Variants in CXCR6 observed in about 807,000 individuals in gnomAD.
CXCR6 encodes C-X-C motif chemokine receptor 6, also known as C-X-C chemokine receptor type 6.
CXCR6 carries 3 observed loss-of-function variants against 1.6 expected under a neutral mutation model. The observed-to-expected ratio is 1.83, with a 90% CI of 0.83 to 4.72. The LOEUF is 4.72. Among genes scored for constraint, CXCR6 ranks in the 30% most tolerant of loss-of-function variants. CXCR6 has a pLI of 0.02. For synonymous variants in CXCR6, 171 were observed against 159.2 expected, an observed-to-expected ratio of 1.07 and a Z score of -0.56; for missense variants, 326 against 414.8, an observed-to-expected ratio of 0.79 and a Z score of 1.86.
chr3:45,946,439 A>T (rs1704610202), intron 1 of CXCR6, 22 bp from the exon 2 acceptor site: 1 of 1,544,274 alleles, frequency 6.5e-7, no homozygotes, highest in African/African-American at 1.4e-5. Context: ...CCCAAATATA[A>T]TTCCTGGGTT....
chr3:45,946,897 A>G lies in CXCR6; in HGVS notation c.416A>G (p.Asn139Ser). ...IVVVKATKAY[N>S]QQAKRMTWGK... ...GTGGTTAAGGCCACCAAGGCCTACAACCAGCAAGCCAAGAGGATGACCTGG... is the reference window on the plus strand; with the variant it reads ...GTGGTTAAGGCCACCAAGGCCTACAGCCAGCAAGCCAAGAGGATGACCTGG... Residue 139 changes from asparagine to serine, a missense_variant, in exon 2 of 2, where the codon AAC becomes AGC. Transcript: ENST00000304552. The G allele has an allele frequency of 6.2e-7, 1 of 1,614,222 alleles. No individual in the cohort carries two copies. The highest frequency in any genetic ancestry group is 8.5e-7 in the Non-Finnish European group (1 of 1,180,040).
At position 45,946,774 on chromosome 3, in the gene CXCR6, G is replaced by T; in HGVS notation, c.293G>T (p.Gly98Val). Reference sequence around the variant, plus strand: ...GCAGGCATCCATGAATGGGTGTTTGGCCAGGTCATGTGCAAGAGCCTACTG... The same window carrying T: ...GCAGGCATCCATGAATGGGTGTTTGTCCAGGTCATGTGCAAGAGCCTACTG... Reference protein sequence around the residue: ...AYAGIHEWVFGQVMCKSLLGI... With the variant: ...AYAGIHEWVFVQVMCKSLLGI... Residue 98 changes from glycine to valine, a missense_variant, in exon 2 of 2, where the codon GGC (glycine) becomes GTC (valine). Gly to Val is a moderately radical substitution (Grantham distance 109, BLOSUM62 -3). Transcript: ENST00000304552. The T allele has an allele frequency of 6.2e-7, 1 of 1,614,178 alleles. No homozygotes were observed. Among genetic ancestry groups the T allele is most frequent in the Non-Finnish European group, 8.5e-7 (1 of 1,180,028 alleles).
In CXCR6 at chr3:45,947,498, G is replaced by C; in HGVS notation, c.1017G>C (p.Met339Ile). 1 of 1,613,542 alleles carries C rather than the reference G, an allele frequency of 6.2e-7. No individual in the cohort carries two copies. Among genetic ancestry groups the C allele is most frequent in the Non-Finnish European group, 8.5e-7 (1 of 1,179,496 alleles). Residue 339 changes from methionine to isoleucine, a missense_variant, in exon 2 of 2, where the codon ATG becomes ATC. Met to Ile is a conservative substitution (Grantham distance 10). Transcript: ENST00000304552. ...SASHNVEATS[M>I]FQL ...CCCACAATGTGGAGGCCACCAGCAT[G>C]TTCCAGTTATAGGCCTTGCCAGGGT...
intron 1 of CXCR6, among the ~76,000 whole-genome samples, chr3:45,944,467 G>A (rs1360421358): frequency 6.6e-6 from 1 of 151,934 alleles, no homozygotes; most frequent in Non-Finnish European, 1.5e-5. Flanking sequence ...TCTATTTTAT[G>A]TATGAATTGT....
At position 45,946,374 on chromosome 3, in the gene CXCR6, G is replaced by C. The variant is rs2234353; in HGVS notation, c.-21-87G>C. The C allele has an allele frequency of 5.4e-4, 500 of 926,262 alleles. 1 individual carries two copies. The African/African-American group carries it at 6.2e-3, about 11-fold the overall frequency. 57.4% of individuals were successfully genotyped at this position (926,262 alleles called of 1,614,324 possible). A position where few individuals can be genotyped will look rare whatever the true frequency, so the allele number is the denominator to read the frequency against. ...GGGTGGGTTTAGAAGATGACTATTT[G>C]CCCCCTAAATGTGGTCAATGGGATA... On this transcript the variant is annotated intron_variant, in intron 1 of 1. Coordinates refer to ENST00000304552, the MANE Select transcript of CXCR6 (RefSeq NM_006564.2).
rs201299542 is a variant in CXCR6, at chr3:45,947,007, G to A, written c.526G>A (p.Asp176Asn). Residue 176 changes from aspartate (D) to asparagine (N), a missense_variant, in exon 2 of 2, where the codon GAC becomes AAC. Transcript: ENST00000304552. Reference protein sequence around the residue: ...QIIYGNVFNLDKLICGYHDEA... With the variant: ...QIIYGNVFNLNKLICGYHDEA... ...TATCTATGGCAATGTCTTTAATCTC[G>A]ACAAGCTCATATGTGGTTACCATGA... 43 of 1,614,012 alleles carry A rather than the reference G, an allele frequency of 2.7e-5. No individual in the cohort carries two copies. Among genetic ancestry groups the A allele is most frequent in the Non-Finnish European group, 1.5e-5 (18 of 1,180,036 alleles).
Position 45,946,976 on chromosome 3 carries a change from C to G in CXCR6, c.495C>G (p.Pro165=), listed in dbSNP as rs763248550. 3.1e-6 allele frequency: 5 copies of G among 1,614,010 alleles called. No homozygotes were observed. The highest frequency in any genetic ancestry group is 4.2e-6 in the Non-Finnish European group (5 of 1,180,040). Residue 165 remains proline, a synonymous_variant, in exon 2 of 2, where the codon CCC becomes CCG. Coordinates refer to ENST00000304552, the MANE Select transcript of CXCR6 (RefSeq NM_006564.2). ...TGATATCCCTGCTGGTTTCCTTGCC[C>G]CAAATTATCTATGGCAATGTCTTTA... is the stretch of plus-strand genomic sequence containing the variant. The part of the protein sequence containing the change: ...IWVISLLVSL[P]QIIYGNVFNL...
chr3:45,946,466 C>A lies in CXCR6; in HGVS notation c.-16C>A. 1 of 1,598,958 alleles carries A rather than the reference C, an allele frequency of 6.3e-7. No individual in the cohort carries two copies. Among genetic ancestry groups the A allele is most frequent in the South Asian group, 1.1e-5 (1 of 89,702 alleles). ...TCCTGGGTTCTGACTCACAGGTGTTCATCAGAACAGACACCATGGCAGAGC... is the reference window on the plus strand; with the variant it reads ...TCCTGGGTTCTGACTCACAGGTGTTAATCAGAACAGACACCATGGCAGAGC... On this transcript the variant is annotated 5_prime_UTR_variant, in exon 2 of 2. Transcript: ENST00000304552.
chr3:45,943,577 G>T (rs907781525), intron 1 of CXCR6, 37 bp downstream of exon 1: 1 of 152,212 alleles, frequency 6.6e-6, no homozygotes, highest in Non-Finnish European at 1.5e-5. Flanking sequence ...TTGAAAAGAA[G>T]ACAGGGAGGA....
At chr3:45,944,779 C>G (rs1371575729) in intron 1 of CXCR6, among the ~76,000 whole-genome samples, 7 of 151,776 alleles carry the variant, frequency 4.6e-5, no homozygotes, top group Admixed American at 4.6e-4. Flanking sequence ...AGGAAGATAC[C>G]AAAAAAAGGC....
At position 45,946,162 on chromosome 3, in the gene CXCR6, G is replaced by T. The variant is rs374650210; in HGVS notation, c.-21-299G>T. On this transcript the variant is annotated intron_variant, in intron 1 of 1. Coordinates refer to ENST00000304552, the MANE Select transcript of CXCR6 (RefSeq NM_006564.2). ...CCACCTGGCAGCAAAGCGACTTTTG[G>T]TTTCAAAATAATTGAGCACAGGATT... The T allele has an allele frequency of 1.8e-5, 5 of 272,182 alleles. No homozygotes were observed. The East Asian group carries it at 3.0e-4, about 17-fold the overall frequency. 16.9% of individuals were successfully genotyped at this position (272,182 alleles called of 1,614,324 possible).
chr3:45,946,183 G>T, intron 1 of CXCR6: 1 of 317,532 alleles, frequency 3.1e-6, no homozygotes, highest in Admixed American at 4.5e-5. Context: ...ATTGAGCACA[G>T]GATTTTATGG....
chr3:45,947,494 G>T lies in CXCR6; in HGVS notation c.1013G>T (p.Ser338Ile), dbSNP rs1404821351. The change falls in exon 2 of 2, where the codon AGC becomes ATC. Residue 338 changes from serine (S) to isoleucine (I), a missense_variant. Ser to Ile is a moderately radical substitution (Grantham distance 142). Transcript: ENST00000304552. ...GCCTCCCACAATGTGGAGGCCACCA[G>T]CATGTTCCAGTTATAGGCCTTGCCA... is the stretch of plus-strand genomic sequence containing the variant. ...FSASHNVEAT[S>I]MFQL 1.2e-6 allele frequency: 2 copies of T among 1,613,484 alleles called. No individual in the cohort carries two copies. Among genetic ancestry groups the T allele is most frequent in the Admixed American group, 3.3e-5 (2 of 59,984 alleles).
At position 45,947,532 on chromosome 3, in the gene CXCR6, G is replaced by A. The variant is rs200730074; in HGVS notation, c.*22G>A. 1.9e-6 allele frequency: 3 copies of A among 1,596,756 alleles called. No homozygotes were observed. The highest frequency in any genetic ancestry group is 1.7e-5 in the Admixed American group (1 of 59,608). ...ATAGGCCTTGCCAGGGTTTCGAGAA[G>A]CTGCTCTGGAATTTGCAAGTCATGG... is the stretch of plus-strand genomic sequence containing the variant. On this transcript the variant is annotated 3_prime_UTR_variant, in exon 2 of 2. Coordinates refer to ENST00000304552, the MANE Select transcript of CXCR6 (RefSeq NM_006564.2).
chr3:45,945,857 A>G (rs1413021232), intron 1 of CXCR6: 3 of 152,324 alleles, frequency 2.0e-5, no homozygotes, highest in African/African-American at 4.8e-5. Flanking sequence ...AATCTATGCA[A>G]TTGAGGGGAA....
chr3:45,941,604 G>A (rs1183215205), upstream of CXCR6, among the ~76,000 whole-genome samples: 2 of 152,236 alleles, frequency 1.3e-5, no homozygotes, highest in Non-Finnish European at 2.9e-5. Flanking sequence ...TTAGGTGAAA[G>A]TCTTTTGTAC....
upstream of CXCR6, chr3:45,941,082 G>A (rs1221970876): frequency 2.0e-5 from 3 of 152,366 alleles, no homozygotes; most frequent in African/African-American, 4.8e-5. Flanking sequence ...CAGGTCTGCC[G>A]GCTATGTTGC....
rs1447643070 is a variant in CXCR6 at position 45,947,252 on chromosome 3, C to T, written c.771C>T (p.His257=). 1 of 1,614,180 alleles carries T rather than the reference C, an allele frequency of 6.2e-7. No individual in the cohort carries two copies. Among genetic ancestry groups the T allele is most frequent in the Admixed American group, 1.7e-5 (1 of 60,032 alleles). ...TCATGAAGTTCATCCGCAGCACACA[C>T]TGGGAATACTATGCCATGACCAGCT... ...FNLMKFIRST[H]WEYYAMTSFH... is the part of the protein sequence containing the mutation. The change falls in exon 2 of 2, where the codon CAC becomes CAT. Residue 257 remains histidine (H), a synonymous_variant. Coordinates refer to ENST00000304552, the MANE Select transcript of CXCR6 (RefSeq NM_006564.2).
upstream of CXCR6, among the ~76,000 whole-genome samples, chr3:45,942,447 G>A (rs1306185242): frequency 6.6e-6 from 1 of 152,220 alleles, no homozygotes; most frequent in Non-Finnish European, 1.5e-5. Flanking sequence ...AGCCACATGA[G>A]AAGGTTTGCC....
Sources: allele counts gnomAD v4.1 joint callset (sites outside exome capture counted in the v4.1 genomes callset), GRCh38; gene constraint gnomAD v4.1.1; transcripts MANE v1.5; gene names NCBI Gene and HGNC (gene_info 2026-07-23, HGNC 2026-07-21).